CDH1: variants seen among roughly 807,000 people sequenced by gnomAD.
CDH1 encodes the protein cadherin 1, also known as cadherin-1.
Under a neutral mutation model 84.5 loss-of-function variants are expected in CDH1, and 35 were observed. That is an observed-to-expected ratio of 0.41 (90% CI 0.32 to 0.55). The LOEUF (loss-of-function observed/expected upper bound fraction) is 0.55, where lower values mean the gene tolerates loss of function less well. Among genes scored for constraint, CDH1 ranks in the 20% least tolerant of loss-of-function variants. The pLI, the probability that CDH1 is intolerant of heterozygous loss-of-function variation, is 0.19. For synonymous variants in CDH1, 417 were observed against 439.0 expected (o/e 0.95, Z 0.63); for missense variants, 994 against 1,126.6 (o/e 0.88, Z 1.68).
chr16:68,797,919 A>C (rs1960405628), intron 2 of CDH1, among the ~76,000 whole-genome samples: 1 of 151,890 alleles, frequency 6.6e-6, no homozygotes, highest in Admixed American at 6.6e-5. Context: ...TCTCTACTAA[A>C]AATACAAAAA....
intron 2 of CDH1, among the ~76,000 whole-genome samples, chr16:68,787,744 T>C (rs1960097041): frequency 6.6e-6 from 1 of 151,582 alleles, no homozygotes; most frequent in South Asian, 2.1e-4. Context: ...CTGCAACCTC[T>C]GCCTCCTGGG....
At chr16:68,777,946 G>A (rs1959780257) in intron 2 of CDH1, among the ~76,000 whole-genome samples, 1 of 152,134 alleles carries the variant, frequency 6.6e-6, no homozygotes, top group Non-Finnish European at 1.5e-5. Flanking sequence ...TGGCCAGACT[G>A]GTCTCAAACT....
intron 3 of CDH1, among the ~76,000 whole-genome samples, chr16:68,802,632 G>A (rs145447766): frequency 1.3e-4 from 20 of 152,072 alleles, no homozygotes; most frequent in East Asian, 5.8e-4. Flanking sequence ...CACCATACCC[G>A]GCTAATTTTT....
intron 2 of CDH1, among the ~76,000 whole-genome samples, chr16:68,768,429 C>A (rs1959451689): frequency 6.6e-6 from 1 of 152,208 alleles, no homozygotes; most frequent in African/African-American, 2.4e-5. Flanking sequence ...AGAGAGGATC[C>A]AGTTTCTCCA....
Position 68,834,619 on chromosome 16 carries a change from T to C in CDH1, c.*1120T>C, listed in dbSNP as rs13689. 42,281 of 241,904 alleles carry C rather than the reference T, an allele frequency of 0.17. 3,754 individuals are homozygous for C. The highest frequency in any genetic ancestry group is 0.19 in the Middle Eastern group (157 of 806). The allele number at this position is 241,904 out of a possible 1,614,324, so 15.0% of individuals were successfully genotyped here. Reference sequence around the variant, plus strand: ...TTGGGCTCTTTTAGGGTAAGAAGTTTGTGTCTTTGTCTGGCCACATCTTGA... The same window carrying C: ...TTGGGCTCTTTTAGGGTAAGAAGTTCGTGTCTTTGTCTGGCCACATCTTGA... On this transcript the variant is annotated 3_prime_UTR_variant, in exon 16 of 16. Transcript: ENST00000261769.
In CDH1 at chr16:68,737,329, G is replaced by C. The variant is rs986590126; in HGVS notation, c.-87G>C. ...ACTGCAAAGCACCTGTGAGCTTGCGGAAGTCAGTTCAGACTCCAGCCCGCT... is the reference window on the plus strand; with the variant it reads ...ACTGCAAAGCACCTGTGAGCTTGCGCAAGTCAGTTCAGACTCCAGCCCGCT... On this transcript the variant is annotated 5_prime_UTR_variant, in exon 1 of 16. Coordinates refer to ENST00000261769, the MANE Select transcript of CDH1 (RefSeq NM_004360.5). 7.0e-6 allele frequency: 8 copies of C among 1,139,466 alleles called. No homozygotes were observed. The highest frequency in any genetic ancestry group is 1.6e-5 in the African/African-American group (1 of 62,868). 70.6% of individuals were successfully genotyped at this position (1,139,466 alleles called of 1,614,324 possible).
At chr16:68,757,786 C>T (rs1386791015) in intron 2 of CDH1, among the ~76,000 whole-genome samples, 1 of 146,422 alleles carries the variant, frequency 6.8e-6, no homozygotes, top group Non-Finnish European at 1.5e-5. Flanking sequence ...TCCTTCCTTC[C>T]TTCCTTTCTT....
intron 2 of CDH1, among the ~76,000 whole-genome samples, chr16:68,747,016 A>C (rs1182807846): frequency 1.3e-5 from 2 of 152,162 alleles, no homozygotes; most frequent in Non-Finnish European, 2.9e-5. Flanking sequence ...CCAGAGAAGT[A>C]TCCAGTGCAC....
chr16:68,760,069 G>A (rs1963123890), intron 2 of CDH1, among the ~76,000 whole-genome samples: 2 of 134,590 alleles, frequency 1.5e-5, no homozygotes, highest in African/African-American at 5.3e-5. Context: ...GTCTTGTAAA[G>A]TATTCCATAT....
rs796948569 is a variant in CDH1, at chr16:68,745,145, C to T, written c.163+6734C>T. Reference sequence around the variant, plus strand: ...AAGGCGCAGCTAGGGCCGGGGGAGTCGGGATGATCTTGAACTTGTCAGCTT... The same window carrying T: ...AAGGCGCAGCTAGGGCCGGGGGAGTTGGGATGATCTTGAACTTGTCAGCTT... On this transcript the variant is annotated intron_variant, in intron 2 of 15. Coordinates refer to ENST00000261769, the MANE Select transcript of CDH1 (RefSeq NM_004360.5). 7.3e-5 allele frequency among the ~76,000 whole-genome samples: 11 copies of T among 151,524 alleles called. 1 individual carries two copies. The highest frequency in any genetic ancestry group is 1.9e-4 in the African/African-American group (8 of 41,278).
chr16:68,807,232 G>A (rs190070698), intron 3 of CDH1, among the ~76,000 whole-genome samples: 2 of 152,156 alleles, frequency 1.3e-5, no homozygotes, highest in African/African-American at 4.8e-5. Flanking sequence ...AACAGCTTCT[G>A]TTAGAACAAA....
intron 13 of CDH1, among the ~76,000 whole-genome samples, chr16:68,824,110 G>A (rs924694637): frequency 2.1e-5 from 3 of 145,648 alleles, no homozygotes; most frequent in African/African-American, 5.2e-5. Flanking sequence ...CGATTCTCCC[G>A]CCTCAGCCTC....
intron 2 of CDH1, among the ~76,000 whole-genome samples, chr16:68,775,138 A>G (rs1959694138): frequency 6.6e-6 from 1 of 151,876 alleles, no homozygotes; most frequent in Non-Finnish European, 1.5e-5. Context: ...AAAAAAAAAA[A>G]AAAGAAAAAA....
chr16:68,826,662 G>A (rs1041166458), intron 13 of CDH1: 15 of 152,154 alleles, frequency 9.9e-5, no homozygotes, highest in African/African-American at 3.6e-4. Flanking sequence ...GCCAATGTTT[G>A]ATTGCTTACT....
intron 2 of CDH1, among the ~76,000 whole-genome samples, chr16:68,792,475 C>T (rs1308104365): frequency 6.6e-6 from 1 of 152,134 alleles, no homozygotes; most frequent in African/African-American, 2.4e-5. Flanking sequence ...AGTGTTCCAC[C>T]CACCTCCCAA....
At chr16:68,810,117 G>C in intron 5 of CDH1, 80 bp from the exon 6 acceptor site, 2 of 1,486,186 alleles carry the variant, frequency 1.3e-6, no homozygotes, top group Admixed American at 1.7e-5. Flanking sequence ...CCAGGGGGGC[G>C]CACTCTGCTC....
intron 3 of CDH1, among the ~76,000 whole-genome samples, chr16:68,808,124 T>C (rs372187086): frequency 3.3e-5 from 5 of 152,214 alleles, no homozygotes; most frequent in Admixed American, 2.0e-4. Context: ...TAAATTATAA[T>C]ATCAAACCCT....
At chr16:68,766,507 G>T (rs1034235038) in intron 2 of CDH1, among the ~76,000 whole-genome samples, 1 of 152,128 alleles carries the variant, frequency 6.6e-6, no homozygotes, top group Non-Finnish European at 1.5e-5. Context: ...AATGGCATTA[G>T]TAGAACCTAC....
intron 2 of CDH1, among the ~76,000 whole-genome samples, chr16:68,788,724 C>T (rs1960132115): frequency 6.6e-6 from 1 of 152,090 alleles, no homozygotes; most frequent in Non-Finnish European, 1.5e-5. Flanking sequence ...TGGGGCTGGG[C>T]ATGGTGGCTC....
Sources: allele counts gnomAD v4.1 joint callset (sites outside exome capture counted in the v4.1 genomes callset), GRCh38; gene constraint gnomAD v4.1.1; transcripts MANE v1.5; gene names NCBI Gene and HGNC (gene_info 2026-07-23, HGNC 2026-07-21).